Variants in GNAL observed in about 807,000 individuals in gnomAD.
GNAL encodes the protein G protein subunit alpha L, also known as guanine nucleotide-binding protein G(olf) subunit alpha.
In GNAL, 18 loss-of-function variants were observed where a neutral mutation model predicts 55.1. The ratio of observed to expected loss-of-function variants is 0.33; its 90% CI spans 0.23 to 0.48. GNAL has a LOEUF of 0.48. Ranked by LOEUF, GNAL falls within the 20% of genes least tolerant of loss-of-function variation. The pLI is 0.99. For synonymous variants in GNAL, 253 were observed against 237.0 expected (o/e 1.07, Z -0.62); for missense variants, 412 against 614.1 (o/e 0.67, Z 3.48).
intron 5 of GNAL, among the ~76,000 whole-genome samples, chr18:11,849,644 G>A (rs1478317131): frequency 3.3e-5 from 5 of 152,168 alleles, no homozygotes; most frequent in African/African-American, 1.2e-4. Flanking sequence ...GGTGAGCAGA[G>A]TAGGGGGCCT....
chr18:11,708,332 AG>A (rs2031761409), intron 1 of GNAL, among the ~76,000 whole-genome samples: 1 of 152,200 alleles, frequency 6.6e-6, no homozygotes, highest in Admixed American at 6.5e-5. Flanking sequence ...GGGAGGGCCC[AG>A]GAAAGGGAGA....
At chr18:11,783,962 G>T (rs1467134762) in intron 4 of GNAL, among the ~76,000 whole-genome samples, 1 of 152,222 alleles carries the variant, frequency 6.6e-6, no homozygotes, top group African/African-American at 2.4e-5. Flanking sequence ...CAGGCCAGGT[G>T]AGAAGCTCCA....
chr18:11,706,551 G>GTGA (rs2031718307), intron 1 of GNAL, among the ~76,000 whole-genome samples: 1 of 152,170 alleles, frequency 6.6e-6, no homozygotes, highest in Admixed American at 6.5e-5. Flanking sequence ...TCTGCAGCAT[G>GTGA]TGATGCTTTT....
At chr18:11,764,745 T>G (rs1409945654) in intron 4 of GNAL, among the ~76,000 whole-genome samples, 2 of 152,074 alleles carry the variant, frequency 1.3e-5, no homozygotes, top group Admixed American at 1.3e-4. Context: ...ACTGCACTCC[T>G]GCCTGGGCGG....
intron 5 of GNAL, chr18:11,852,078 TCA>T: frequency 6.2e-7 from 1 of 1,610,508 alleles, no homozygotes; most frequent in South Asian, 1.1e-5. Context: ...ATGAACTGTC[TCA>T]GAGACTGGCC....
intron 1 of GNAL, among the ~76,000 whole-genome samples, chr18:11,695,762 TTCTC>T (rs1468036275): frequency 6.6e-6 from 1 of 152,232 alleles, no homozygotes; most frequent in Admixed American, 6.5e-5. Flanking sequence ...TATTTGCTAT[TTCTC>T]TGTCTGGAAT....
intron 5 of GNAL, among the ~76,000 whole-genome samples, chr18:11,829,057 T>C (rs548522449): frequency 1.3e-4 from 20 of 152,326 alleles, no homozygotes; most frequent in African/African-American, 4.6e-4. Flanking sequence ...CAAAATCTGC[T>C]ATTTCTTTTA....
intron 5 of GNAL, among the ~76,000 whole-genome samples, chr18:11,832,683 C>T (rs961518701): frequency 6.6e-6 from 1 of 152,028 alleles, no homozygotes; most frequent in Non-Finnish European, 1.5e-5. Flanking sequence ...CGTGGTGAAA[C>T]CCCATCTCTA....
intron 1 of GNAL, among the ~76,000 whole-genome samples, chr18:11,738,741 G>T (rs868240903): frequency 6.6e-6 from 1 of 152,084 alleles, no homozygotes; most frequent in Admixed American, 6.6e-5. Flanking sequence ...GAGCCACCAC[G>T]CCCAGCCAAG....
At chr18:11,714,726 A>G (rs940312253) in intron 1 of GNAL, among the ~76,000 whole-genome samples, 1 of 152,234 alleles carries the variant, frequency 6.6e-6, no homozygotes, top group Non-Finnish European at 1.5e-5. Context: ...TAGGTGACCT[A>G]TCTTCTGTCT....
intron 4 of GNAL, among the ~76,000 whole-genome samples, chr18:11,821,356 G>A (rs1415873933): frequency 2.0e-5 from 3 of 152,180 alleles, no homozygotes; most frequent in South Asian, 4.1e-4. Context: ...CACAGGCAGT[G>A]GAATAAGATA....
chr18:11,747,013 ACAGAGAT>A, intron 1 of GNAL: 1 of 499,804 alleles, frequency 2.0e-6, no homozygotes, highest in South Asian at 1.5e-5. Context: ...TCTTCTCTGG[ACAGAGAT>A]CAGATGAACT....
At chr18:11,710,487 G>A (rs991406818) in intron 1 of GNAL, among the ~76,000 whole-genome samples, 1 of 151,990 alleles carries the variant, frequency 6.6e-6, no homozygotes, top group Non-Finnish European at 1.5e-5. Context: ...TTACCTTTAC[G>A]AATGAACTTT....
intron 5 of GNAL, among the ~76,000 whole-genome samples, chr18:11,832,689 C>A (rs1382741033): frequency 1.3e-5 from 2 of 152,064 alleles, no homozygotes; most frequent in Non-Finnish European, 2.9e-5. Context: ...GAAACCCCAT[C>A]TCTACTAAAA....
chr18:11,821,141 G>C (rs2035079941), intron 4 of GNAL, among the ~76,000 whole-genome samples: 1 of 152,196 alleles, frequency 6.6e-6, no homozygotes, highest in Non-Finnish European at 1.5e-5. Context: ...AGAAGTTACT[G>C]AGCTTTACAG....
At chr18:11,774,654 T>C (rs1483516675) in intron 4 of GNAL, among the ~76,000 whole-genome samples, 5 of 152,090 alleles carry the variant, frequency 3.3e-5, no homozygotes, top group Non-Finnish European at 7.4e-5. Context: ...CCCCGAGTCA[T>C]AGAGCTGGGT....
At chr18:11,849,907 G>GTGT (rs756837461) in intron 5 of GNAL, among the ~76,000 whole-genome samples, 28 of 152,324 alleles carry the variant, frequency 1.8e-4, no homozygotes, top group Admixed American at 5.2e-4. Context: ...GAAGGAATCA[G>GTGT]TGTCTGCATC....
intron 5 of GNAL, among the ~76,000 whole-genome samples, chr18:11,862,046 T>C (rs2036157483): frequency 6.6e-6 from 1 of 151,726 alleles, no homozygotes; most frequent in African/African-American, 2.4e-5. Context: ...CATGTTTTGT[T>C]TACATTGCAA....
rs2036321249 is a variant in GNAL, at chr18:11,868,697, G to A, written c.1031+34G>A. On this transcript the variant is annotated intron_variant, in intron 9 of 11. Transcript: ENST00000334049. The surrounding 1 kb of genome is among the most constrained non-coding windows in gnomAD (Gnocchi z 4.0). ...AATAGCAAATTCAGTCTTACCATTG[G>A]ATTGCAAATTTTCTTTTGTTAAAAA... The A allele has an allele frequency of 2.5e-6, 4 of 1,579,178 alleles. No individual in the cohort carries two copies. Among genetic ancestry groups the A allele is most frequent in the Non-Finnish European group, 3.4e-6 (4 of 1,160,722 alleles).
Sources: gnomAD v4.1 joint callset for allele counts (sites outside exome capture counted in the v4.1 genomes callset) on GRCh38, gnomAD v4.1.1 for gene constraint, Gnocchi (gnomAD v3.1) non-coding constraint, MANE v1.5 for transcripts, NCBI Gene and HGNC (gene_info 2026-07-23, HGNC 2026-07-21) for gene names.